The following INPP4A variants were observed in gnomAD, a reference collection of about 807,000 sequenced individuals.
INPP4A encodes inositol polyphosphate-4-phosphatase type I A.
In INPP4A, 33 loss-of-function variants were observed where a neutral mutation model predicts 119.8. The observed-to-expected ratio is 0.28, with a 90% CI of 0.21 to 0.37. The LOEUF is 0.37. INPP4A is among the 10% of genes least tolerant of loss of function. The pLI is 1.00. For missense variants in INPP4A, 956 were observed against 1,289.9 expected (o/e 0.74, Z 3.97); for synonymous variants, 496 against 500.7 (o/e 0.99, Z 0.12).
intron 1 of INPP4A, among the ~76,000 whole-genome samples, chr2:98,454,316 A>G (rs1432896867): frequency 6.6e-6 from 1 of 152,188 alleles, no homozygotes; most frequent in East Asian, 1.9e-4. Context: ...TATGATCCCC[A>G]TTATTTAATG....
At chr2:98,523,457 C>T (rs1198286085) in intron 4 of INPP4A, among the ~76,000 whole-genome samples, 1 of 151,176 alleles carries the variant, frequency 6.6e-6, no homozygotes, top group Non-Finnish European at 1.5e-5. Context: ...TGCAGTGGCA[C>T]AATCTCGGCT....
At chr2:98,489,517 A>C (rs1680262268) in intron 1 of INPP4A, among the ~76,000 whole-genome samples, 1 of 152,112 alleles carries the variant, frequency 6.6e-6, no homozygotes, top group African/African-American at 2.4e-5. Context: ...ATGCTGAGGC[A>C]CCAAGTGAGG....
intron 1 of INPP4A, among the ~76,000 whole-genome samples, chr2:98,506,307 G>A (rs1684030115): frequency 6.6e-6 from 1 of 152,256 alleles, no homozygotes; most frequent in African/African-American, 2.4e-5. Flanking sequence ...CACTGGACTA[G>A]TAAGGCCTGC....
chr2:98,566,143 C>A lies in INPP4A; in HGVS notation c.2394C>A (p.Ile798=), dbSNP rs778111638. Residue 798 remains isoleucine, a synonymous_variant, in exon 21 of 25, where the codon ATC becomes ATA. Coordinates refer to ENST00000409851, the MANE Select transcript of INPP4A (RefSeq NM_001134225.2). The surrounding 1 kb of genome is among the most constrained non-coding windows in gnomAD (Gnocchi z 4.2). The part of the protein sequence containing the change: ...RVQPVLFNVG[I]NEQQTLAERF... The stretch of plus-strand genomic sequence containing the variant: ...AGCCCGTCCTCTTCAACGTGGGCAT[C>A]AATGAGCAGCAGACACTGGCCGAGA... The A allele has an allele frequency of 2.5e-6, 4 of 1,597,542 alleles. No homozygotes were observed. Among genetic ancestry groups the A allele is most frequent in the South Asian group, 1.1e-5 (1 of 88,238 alleles).
intron 1 of INPP4A, among the ~76,000 whole-genome samples, chr2:98,484,923 A>T (rs866955372): frequency 6.6e-6 from 1 of 152,078 alleles, no homozygotes; most frequent in Non-Finnish European, 1.5e-5. Flanking sequence ...TATGGTATAA[A>T]ATCCTTTATA....
At chr2:98,572,794 C>T (rs541130463) in intron 22 of INPP4A, 21 bp from the exon 23 acceptor site, 57 of 1,526,424 alleles carry the variant, frequency 3.7e-5, no homozygotes, top group Non-Finnish European at 4.6e-5. Flanking sequence ...CCCACTCCCA[C>T]GAACTCCTTT....
At chr2:98,451,286 A>G (rs1695176093) in intron 1 of INPP4A, among the ~76,000 whole-genome samples, 1 of 152,004 alleles carries the variant, frequency 6.6e-6, no homozygotes, top group South Asian at 2.1e-4. Context: ...TTAATATGAA[A>G]CTTGTTCAGT....
Position 98,567,003 on chromosome 2 carries a change from T to C in INPP4A, c.2420+834T>C, listed in dbSNP as rs75503972. Among the ~76,000 whole-genome samples the C allele has an allele frequency of 6.8e-4, 103 of 152,334 alleles. 2 individuals carry two copies. In the East Asian group the frequency reaches 0.01, roughly 15 times the overall value. ...GTCCAACCCCAGTGGTTGATGTCCA[T>C]TGACGCCTAGGTGTAGGGTCACACC... On this transcript the variant is annotated intron_variant, in intron 21 of 24. Coordinates refer to ENST00000409851, the MANE Select transcript of INPP4A (RefSeq NM_001134225.2).
chr2:98,516,305 T>C (rs1018185859), intron 1 of INPP4A, among the ~76,000 whole-genome samples: 1 of 152,196 alleles, frequency 6.6e-6, no homozygotes, highest in African/African-American at 2.4e-5. Flanking sequence ...TCTAAGGTCT[T>C]TTTGACCTAA....
Position 98,554,594 on chromosome 2 carries a change from C to A in INPP4A, c.1566+105C>A. The A allele has an allele frequency of 1.0e-6, 1 of 962,494 alleles. No individual in the cohort carries two copies. The highest frequency in any genetic ancestry group is 1.6e-6 in the Non-Finnish European group (1 of 634,544). The allele number at this position is 962,494 out of a possible 1,614,324, so 59.6% of individuals were successfully genotyped here. A position where few individuals can be genotyped will look rare whatever the true frequency, so the allele number is the denominator to read the frequency against. ...TCTGAAGTGCCTCAAGGTTCAACTGCTGTGAACAAGCTCCAGGTTTCCTTC... is the reference window on the plus strand; with the variant it reads ...TCTGAAGTGCCTCAAGGTTCAACTGATGTGAACAAGCTCCAGGTTTCCTTC... On this transcript the variant is annotated intron_variant, in intron 15 of 24. Transcript: ENST00000409851. This position sits in a 1 kb window ranked among gnomAD's most constrained non-coding sequence, Gnocchi z 4.7.
In INPP4A at chr2:98,591,724, A is replaced by C. The variant is rs1338489579; in HGVS notation, c.*4116A>C. 1 of 152,276 alleles carries C rather than the reference A, an allele frequency of 6.6e-6. No homozygotes were observed. The allele number at this position is 152,276 out of a possible 1,614,324, so 9.4% of individuals were successfully genotyped here. ...GCTGGAGGAAGGTAAGAGGAGCTGG[A>C]GGTTGGAGCTTCCCGATTTGTGATT... is the stretch of plus-strand genomic sequence containing the variant. On this transcript the variant is annotated 3_prime_UTR_variant, in exon 25 of 25. Coordinates refer to ENST00000409851, the MANE Select transcript of INPP4A (RefSeq NM_001134225.2).
intron 24 of INPP4A, among the ~76,000 whole-genome samples, chr2:98,586,566 G>T (rs972445373): frequency 1.3e-5 from 2 of 152,176 alleles, no homozygotes; most frequent in African/African-American, 2.4e-5. Flanking sequence ...TTAGTTTTAT[G>T]TCTACACCTG....
At chr2:98,490,486 T>C (rs1160616155) in intron 1 of INPP4A, among the ~76,000 whole-genome samples, 2 of 152,036 alleles carry the variant, frequency 1.3e-5, no homozygotes, top group Admixed American at 1.3e-4. Context: ...CAGAGGTACC[T>C]CAAGTCCCTG....
intron 4 of INPP4A, among the ~76,000 whole-genome samples, chr2:98,522,300 AAAAG>A (rs1432932822): frequency 4.2e-4 from 63 of 151,650 alleles, no homozygotes; most frequent in African/African-American, 7.5e-4. Context: ...AAAAAAAAAA[AAAAG>A]AAAGAAAGAA....
chr2:98,540,518 T>G (rs1691212937), intron 10 of INPP4A, among the ~76,000 whole-genome samples: 1 of 152,224 alleles, frequency 6.6e-6, no homozygotes, highest in Admixed American at 6.5e-5. Context: ...TGTTTTAATT[T>G]TGTGCTGCTG....
chr2:98,486,992 A>G (rs1015220001), intron 1 of INPP4A, among the ~76,000 whole-genome samples: 1 of 152,342 alleles, frequency 6.6e-6, no homozygotes, highest in Middle Eastern at 3.4e-3. Flanking sequence ...AAAAAAGGGG[A>G]AAAAAAGCAA....
chr2:98,539,463 G>A, intron 9 of INPP4A, 65 bp from the exon 10 acceptor site: 1 of 1,539,168 alleles, frequency 6.5e-7, no homozygotes, highest in Non-Finnish European at 8.8e-7. Context: ...CGGGGGAGGA[G>A]AACCCATGAG....
intron 1 of INPP4A, among the ~76,000 whole-genome samples, chr2:98,480,608 T>G (rs1247299865): frequency 6.6e-6 from 1 of 152,212 alleles, no homozygotes; most frequent in African/African-American, 2.4e-5. Flanking sequence ...GTCCTCTCAC[T>G]TGGCCCCAGG....
chr2:98,457,630 A>AT (rs1310914041), intron 1 of INPP4A, among the ~76,000 whole-genome samples: 4 of 152,272 alleles, frequency 2.6e-5, no homozygotes, highest in African/African-American at 7.2e-5. Flanking sequence ...AACAGTTGCT[A>AT]TTTTTACCTC....
Sources: gnomAD v4.1 joint callset for allele counts (sites outside exome capture counted in the v4.1 genomes callset) on GRCh38, gnomAD v4.1.1 for gene constraint, Gnocchi (gnomAD v3.1) non-coding constraint, MANE v1.5 for transcripts, NCBI Gene and HGNC (gene_info 2026-07-23, HGNC 2026-07-21) for gene names.